JAG1: variants seen among roughly 807,000 people sequenced by gnomAD.
The protein encoded by JAG1 is protein jagged-1.
JAG1 carries 23 observed loss-of-function variants against 148.7 expected under a neutral mutation model. That is an observed-to-expected ratio of 0.15 (90% CI 0.11 to 0.22). The LOEUF (loss-of-function observed/expected upper bound fraction) is 0.22. Ranked by LOEUF, JAG1 falls within the 10% of genes least tolerant of loss-of-function variation. The pLI is 1.00. For missense variants in JAG1, 1,054 were observed against 1,611.2 expected (o/e 0.65, Z 5.92); for synonymous variants, 572 against 598.3 (o/e 0.96, Z 0.64).
chr20:10,640,674 C>T lies in JAG1; in HGVS notation c.3199+109G>A, dbSNP rs567607177. 33 of 1,185,098 alleles carry T rather than the reference C, an allele frequency of 2.8e-5. 1 individual carries two copies. The South Asian group carries it at 4.1e-4, about 15-fold the overall frequency. The allele number at this position is 1,185,098 out of a possible 1,614,324, so 73.4% of individuals were successfully genotyped here. A position where few individuals can be genotyped will look rare whatever the true frequency, so the allele number is the denominator to read the frequency against. ...CAGTTCTCAGTTAAATTGGGAGCTC[C>T]TGCGAGGGTAGGGCACTGCCAGATA... On this transcript the variant is annotated intron_variant, in intron 25 of 25. Transcript: ENST00000254958.
At chr20:10,660,598 A>G (rs1834149034) in intron 3 of JAG1, among the ~76,000 whole-genome samples, 2 of 152,214 alleles carry the variant, frequency 1.3e-5, no homozygotes, top group African/African-American at 4.8e-5. Flanking sequence ...TCAGTCATGC[A>G]GTAAGCTTTC....
chr20:10,646,852 CA>C, intron 14 of JAG1, 86 bp downstream of exon 14: 1 of 1,339,852 alleles, frequency 7.5e-7, no homozygotes, highest in Non-Finnish European at 1.1e-6. Context: ...CTTTCAACAC[CA>C]ATGATCCCAG....
rs1463620873 is a variant in JAG1, at chr20:10,641,831, A to G, written c.2634T>C (p.Asp878=). 6.2e-7 allele frequency: 1 copy of G among 1,614,180 alleles called. No individual in the cohort carries two copies. The highest frequency in any genetic ancestry group is 1.7e-5 in the Admixed American group (1 of 60,026). Reference sequence around the variant, plus strand: ...TCAGGCACTGGCAGGTATTACAGTCATCATCCCATTTGGCCCCATCTGGTA... The same window carrying G: ...TCAGGCACTGGCAGGTATTACAGTCGTCATCCCATTTGGCCCCATCTGGTA... ...SVIPDGAKWD[D]DCNTCQCLNG... is the part of the protein sequence containing the mutation. The change falls in exon 22 of 26, where the codon GAT becomes GAC. Residue 878 remains aspartate, a synonymous_variant. Transcript: ENST00000254958.
At chr20:10,644,840 G>T in intron 18 of JAG1, 23 bp downstream of exon 18, 1 of 1,546,114 alleles carries the variant, frequency 6.5e-7, no homozygotes, top group Non-Finnish European at 8.9e-7. Context: ...CCCTGGGAGA[G>T]TTCAAGGGGG....
intron 3 of JAG1, among the ~76,000 whole-genome samples, chr20:10,661,376 C>T (rs1183447796): frequency 6.6e-6 from 1 of 152,190 alleles, no homozygotes; most frequent in African/African-American, 2.4e-5. Context: ...ACATCCTCAG[C>T]TTCTGCCCTG....
At chr20:10,643,644 G>A (rs1481076726) in intron 20 of JAG1, 134 bp downstream of exon 20, 1 of 756,980 alleles carries the variant, frequency 1.3e-6, no homozygotes, top group Non-Finnish European at 2.3e-6. Context: ...CCCAGCTGGA[G>A]GAGAGAGATC....
At chr20:10,656,284 TA>T (rs1338043771) in intron 5 of JAG1, 113 bp downstream of exon 5, 24 of 870,280 alleles carry the variant, frequency 2.8e-5, no homozygotes, top group Non-Finnish European at 3.6e-5. Context: ...ATTTTTTTTT[TA>T]AAAAAGCTTT....
chr20:10,660,247 C>T (rs2067406808), intron 3 of JAG1, among the ~76,000 whole-genome samples: 2 of 152,214 alleles, frequency 1.3e-5, no homozygotes, highest in Admixed American at 6.5e-5. Flanking sequence ...CAAACTGCTG[C>T]GTGGGCAAGA....
At chr20:10,642,048 G>A (rs1198662927) in intron 21 of JAG1, among the ~76,000 whole-genome samples, 156 bp from the exon 22 acceptor site, 1 of 152,118 alleles carries the variant, frequency 6.6e-6, no homozygotes, top group Admixed American at 6.5e-5. Context: ...TGCCTTTGCT[G>A]GCTCTGCGCT....
At chr20:10,659,988 T>C (rs2067405329) in intron 3 of JAG1, among the ~76,000 whole-genome samples, 1 of 152,206 alleles carries the variant, frequency 6.6e-6, no homozygotes, top group Admixed American at 6.5e-5. Flanking sequence ...TTTGTTTTCT[T>C]AAACCTGCCA....
At chr20:10,667,438 T>C (rs2067462662) in intron 2 of JAG1, among the ~76,000 whole-genome samples, 1 of 152,218 alleles carries the variant, frequency 6.6e-6, no homozygotes, top group South Asian at 2.1e-4. Context: ...AACTCTATTG[T>C]CCTGCCTGTG....
Position 10,672,922 on chromosome 20 carries a change from C to T in JAG1, c.166G>A (p.Gly56Ser). The T allele has an allele frequency of 6.2e-7, 1 of 1,613,200 alleles. No homozygotes were observed. The highest frequency in any genetic ancestry group is 1.7e-5 in the Admixed American group (1 of 60,026). Residue 56 changes from glycine to serine, a missense_variant, in exon 2 of 26, where the codon GGC becomes AGC. Around this residue, in one of 6 missense-constraint regions of JAG1, gnomAD observed 151 missense variants for 211.1 expected, o/e 0.72. Transcript: ENST00000254958. The stretch of plus-strand genomic sequence containing the variant: ...CGGTCTCCCGGGTTCCGGGCGCCGC[C>T]GCAGCAGTTCCCGTTCTGCAGCTCC... ...NGELQNGNCC[G>S]GARNPGDRKC... is the part of the protein sequence containing the mutation.
In JAG1 at chr20:10,673,244, T is replaced by C. The variant is rs1242207370; in HGVS notation, c.81+206A>G. 6.6e-6 allele frequency among the ~76,000 whole-genome samples: 1 copy of C among 151,012 alleles called. No individual in the cohort carries two copies. Among genetic ancestry groups the C allele is most frequent in the East Asian group, 1.9e-4 (1 of 5,150 alleles). ...GGCAACAGCGGAGCGAACGCGCCCC[T>C]GTCCGGCCTGGAGGGGTCACCCTCA... On this transcript the variant is annotated intron_variant, in intron 1 of 25. Transcript: ENST00000254958. The surrounding 1 kb of genome is among the most constrained non-coding windows in gnomAD (Gnocchi z 4.7).
At chr20:10,665,199 G>A (rs1325533752) in intron 2 of JAG1, among the ~76,000 whole-genome samples, 5 of 152,224 alleles carry the variant, frequency 3.3e-5, no homozygotes, top group Non-Finnish European at 5.9e-5. Context: ...AAGAGAAAAA[G>A]GGAGGGTAAA....
intron 2 of JAG1, among the ~76,000 whole-genome samples, chr20:10,672,373 TC>T (rs1035138842): frequency 1.2e-4 from 19 of 152,214 alleles, no homozygotes; most frequent in Non-Finnish European, 2.4e-4. Flanking sequence ...TACAACGATC[TC>T]TTGGCTTGGG....
chr20:10,647,053 C>T lies in JAG1; in HGVS notation c.1771G>A (p.Val591Met). ...CAGACGTTGGAGGAAATATACCGCA[C>T]CCCTTCAGGTGTGTCGTTGGAAGCC... The part of the protein sequence containing the change: ...AMASNDTPEG[V>M]RYISSNVCGP... The change falls in exon 14 of 26, where the codon GTG (valine) becomes ATG (methionine). Residue 591 changes from valine (V) to methionine (M), a missense_variant. Transcript: ENST00000254958. The T allele has an allele frequency of 6.2e-7, 1 of 1,614,238 alleles. No homozygotes were observed.
In JAG1 at chr20:10,673,168, A is replaced by C; in HGVS notation, c.82-162T>G. On this transcript the variant is annotated intron_variant, in intron 1 of 25. Coordinates refer to ENST00000254958, the MANE Select transcript of JAG1 (RefSeq NM_000214.3). The surrounding 1 kb of genome is among the most constrained non-coding windows in gnomAD (Gnocchi z 4.7). ...AAGGACTCAACATGATTCCGGGGCAAAAAAAAAAAAAAATGCACGAGTGCG... is the reference window on the plus strand; with the variant it reads ...AAGGACTCAACATGATTCCGGGGCACAAAAAAAAAAAAATGCACGAGTGCG... The C allele has an allele frequency of 5.3e-6, 1 of 188,586 alleles. No homozygotes were observed. The highest frequency in any genetic ancestry group is 1.0e-4 in the Admixed American group (1 of 10,004). 11.7% of individuals were successfully genotyped at this position (188,586 alleles called of 1,614,324 possible).
At chr20:10,664,137 T>G in intron 2 of JAG1, 123 bp from the exon 3 acceptor site, 1 of 805,450 alleles carries the variant, frequency 1.2e-6, no homozygotes, top group Non-Finnish European at 2.2e-6. Flanking sequence ...AAAAATTCTG[T>G]TGGTTGTTGC....
chr20:10,647,282 G>C lies in JAG1; in HGVS notation c.1721-179C>G, dbSNP rs1020564721. 5.9e-6 allele frequency: 4 copies of C among 682,692 alleles called. No individual in the cohort carries two copies. The Admixed American group carries it at 8.9e-5, about 15-fold the overall frequency. The allele number at this position is 682,692 out of a possible 1,614,324, so 42.3% of individuals were successfully genotyped here. On this transcript the variant is annotated intron_variant, in intron 13 of 25. Transcript: ENST00000254958. ...ACATCACATTATGACAGGCAAAGTT[G>C]AGACTCCAGGCAAAGAGTTTTAAAG...
Sources: gnomAD v4.1 joint callset for allele counts (sites outside exome capture counted in the v4.1 genomes callset) on GRCh38, gnomAD v4.1.1 for gene constraint, gnomAD v4.1.1 regional missense constraint, Gnocchi (gnomAD v3.1) non-coding constraint, MANE v1.5 for transcripts, NCBI Gene and HGNC (gene_info 2026-07-23, HGNC 2026-07-21) for gene names.